MARCHF3: variants seen among roughly 807,000 people sequenced by gnomAD.
MARCHF3 encodes the protein E3 ubiquitin-protein ligase MARCHF3.
In MARCHF3, 13 loss-of-function variants were observed where a neutral mutation model predicts 24.2. That is an observed-to-expected ratio of 0.54 (90% CI 0.35 to 0.85). The LOEUF (loss-of-function observed/expected upper bound fraction) is 0.85. Ranked by LOEUF, MARCHF3 falls within the 40% of genes least tolerant of loss-of-function variation. The pLI, the probability that MARCHF3 is intolerant of heterozygous loss-of-function variation, is 0.01. For synonymous variants in MARCHF3, 144 were observed against 137.3 expected (o/e 1.05, Z -0.34); for missense variants, 276 against 325.0 (o/e 0.85, Z 1.16).
rs933935635 is a variant in MARCHF3, at chr5:126,963,546, G to A, written c.-56-45319C>T. Among the ~76,000 whole-genome samples, 17 of 152,202 alleles carry A rather than the reference G, an allele frequency of 1.1e-4. No homozygotes were observed. The East Asian group carries it at 1.3e-3, about 12-fold the overall frequency. On this transcript the variant is annotated intron_variant, in intron 1 of 4. Transcript: ENST00000308660. The stretch of plus-strand genomic sequence containing the variant: ...CAAGCACTCACATCTTCTGCATGAC[G>A]TAAGAGATATTTGCTACAGAGATTT...
intron 1 of MARCHF3, among the ~76,000 whole-genome samples, chr5:126,932,288 A>G (rs951876370): frequency 6.6e-6 from 1 of 152,274 alleles, no homozygotes; most frequent in African/African-American, 2.4e-5. Context: ...ACAACCTTGG[A>G]TAAGTTATTT....
At chr5:126,983,222 C>G (rs1030186559) in intron 1 of MARCHF3, among the ~76,000 whole-genome samples, 1 of 152,196 alleles carries the variant, frequency 6.6e-6, no homozygotes, top group African/African-American at 2.4e-5. Flanking sequence ...TTTGGCTTCA[C>G]AAGAATGCTG....
intron 3 of MARCHF3, among the ~76,000 whole-genome samples, chr5:126,879,202 T>C: frequency 6.6e-6 from 1 of 152,232 alleles, no homozygotes; most frequent in Admixed American, 6.5e-5. Context: ...CATGGAAGCC[T>C]GTGTCTTGTT....
At chr5:126,917,855 T>G (rs562252476) in intron 2 of MARCHF3, 129 bp downstream of exon 2, 1 of 925,954 alleles carries the variant, frequency 1.1e-6, no homozygotes, top group South Asian at 2.0e-5. Flanking sequence ...TCTTTTTTTT[T>G]TTTTTCCAGC....
intron 1 of MARCHF3, among the ~76,000 whole-genome samples, chr5:127,023,185 G>T (rs954176215): frequency 7.2e-5 from 11 of 152,150 alleles, no homozygotes; most frequent in Admixed American, 7.2e-4. Context: ...ATACACGAGG[G>T]ACTGGTTGCA....
intron 1 of MARCHF3, among the ~76,000 whole-genome samples, chr5:126,967,538 C>A (rs946092094): frequency 1.3e-5 from 2 of 152,078 alleles, no homozygotes; most frequent in Non-Finnish European, 2.9e-5. Flanking sequence ...ACTAAAAATA[C>A]AAAAACTAGC....
At chr5:127,028,562 G>GT (rs796894152) in intron 1 of MARCHF3, among the ~76,000 whole-genome samples, 7,672 of 138,460 alleles carry the variant, frequency 0.055, 296 homozygotes, top group African/African-American at 0.11. Flanking sequence ...ATTAAGGTAG[G>GT]TTTTTTTTTT....
chr5:127,029,396 A>G (rs1753100989), intron 1 of MARCHF3, among the ~76,000 whole-genome samples: 1 of 152,224 alleles, frequency 6.6e-6, no homozygotes, highest in Admixed American at 6.5e-5. Context: ...TCAAATAAGA[A>G]TTGTAAGAAA....
intron 1 of MARCHF3, among the ~76,000 whole-genome samples, chr5:127,028,079 G>A (rs953661489): frequency 2.0e-4 from 31 of 152,166 alleles, no homozygotes; most frequent in African/African-American, 7.0e-4. Context: ...TGTTTTGCAT[G>A]TTTTCCCCAA....
intron 1 of MARCHF3, among the ~76,000 whole-genome samples, chr5:126,990,885 A>G (rs184508294): frequency 1.6e-4 from 25 of 152,368 alleles, no homozygotes; most frequent in Non-Finnish European, 3.1e-4. Flanking sequence ...GATCATTAAA[A>G]AGGCAGAAAA....
chr5:127,009,450 A>C (rs1217939213), intron 1 of MARCHF3, among the ~76,000 whole-genome samples: 1 of 152,212 alleles, frequency 6.6e-6, no homozygotes, highest in Admixed American at 6.5e-5. Flanking sequence ...TTTGTGTCTC[A>C]TTTATAGTAC....
chr5:127,015,545 G>C (rs746281354), intron 1 of MARCHF3, among the ~76,000 whole-genome samples: 1 of 152,148 alleles, frequency 6.6e-6, no homozygotes, highest in Admixed American at 6.6e-5. Flanking sequence ...CACTTTAGTG[G>C]AGAAGGTCCC....
chr5:126,952,395 G>T (rs920857363), intron 1 of MARCHF3, among the ~76,000 whole-genome samples: 2 of 152,174 alleles, frequency 1.3e-5, no homozygotes, highest in South Asian at 4.2e-4. Context: ...TCATTAAAGG[G>T]TGGTATAAAT....
intron 1 of MARCHF3, among the ~76,000 whole-genome samples, chr5:126,981,673 G>A (rs1033760568): frequency 6.6e-6 from 1 of 152,198 alleles, no homozygotes; most frequent in Non-Finnish European, 1.5e-5. Flanking sequence ...GCTTGTGCAT[G>A]CACAAAATTT....
rs147240868 is a variant in MARCHF3 at position 127,023,733 on chromosome 5, A to AAAATAAAT, written c.-57+6609_-57+6616dup. On this transcript the variant is annotated intron_variant, in intron 1 of 4. Coordinates refer to ENST00000308660, the MANE Select transcript of MARCHF3 (RefSeq NM_178450.5). ...GTGACATAGCGAGATTCTGTCTCAA[A>AAAATAAAT]AAATAAATAAATAAATAAATAAATA... Among the ~76,000 whole-genome samples the AAAATAAAT allele has an allele frequency of 4.2e-3, 595 of 141,416 alleles. 4 individuals carry two copies. Among genetic ancestry groups the AAAATAAAT allele is most frequent in the Middle Eastern group, 0.018 (5 of 278 alleles). The allele number at this position is 141,416 out of a possible 152,430, so 92.8% of individuals were successfully genotyped here. A position where few individuals can be genotyped will look rare whatever the true frequency, so the allele number is the denominator to read the frequency against.
At chr5:126,955,044 A>G (rs1401880030) in intron 1 of MARCHF3, among the ~76,000 whole-genome samples, 1 of 152,196 alleles carries the variant, frequency 6.6e-6, no homozygotes, top group Non-Finnish European at 1.5e-5. Flanking sequence ...CTCTAAAGTC[A>G]CTTTGTTCGC....
chr5:126,875,469 T>G lies in MARCHF3; in HGVS notation c.603+2716A>C, dbSNP rs144939298. Among the ~76,000 whole-genome samples, 369 of 152,362 alleles carry G rather than the reference T, an allele frequency of 2.4e-3. 2 individuals are homozygous for G. Among genetic ancestry groups the G allele is most frequent in the African/African-American group, 8.4e-3 (350 of 41,576 alleles). On this transcript the variant is annotated intron_variant, in intron 4 of 4. Transcript: ENST00000308660. ...CTTGGACTGACACCGTGTTTGTTTA[T>G]CTAAGACATTTTCACAGCATATTCT...
chr5:127,020,296 G>A (rs1752753239), intron 1 of MARCHF3, among the ~76,000 whole-genome samples: 1 of 152,130 alleles, frequency 6.6e-6, no homozygotes, highest in African/African-American at 2.4e-5. Context: ...CAGATGTTAA[G>A]GAAGCAAAAA....
rs1200448499 is a variant in MARCHF3 at position 126,870,510 on chromosome 5, C to T, written c.*123G>A. 1 of 813,090 alleles carries T rather than the reference C, an allele frequency of 1.2e-6. No individual in the cohort carries two copies. The highest frequency in any genetic ancestry group is 2.0e-6 in the Non-Finnish European group (1 of 500,330). 50.4% of individuals were successfully genotyped at this position (813,090 alleles called of 1,614,324 possible). ...TTGCTTGGAGTGATGTGCTAATATG[C>T]TCTGGATGTTCTTAGACCCACAGGC... On this transcript the variant is annotated 3_prime_UTR_variant, in exon 5 of 5. Coordinates refer to ENST00000308660, the MANE Select transcript of MARCHF3 (RefSeq NM_178450.5).
Sources: allele counts gnomAD v4.1 joint callset (sites outside exome capture counted in the v4.1 genomes callset), GRCh38; gene constraint gnomAD v4.1.1; transcripts MANE v1.5; gene names NCBI Gene and HGNC (gene_info 2026-07-23, HGNC 2026-07-21).